Variants in ELP3 observed in about 807,000 individuals in gnomAD.
ELP3 encodes elongator complex protein 3.
A neutral mutation model predicts 74.9 loss-of-function variants in ELP3; 56 were observed. The ratio of observed to expected loss-of-function variants is 0.75; its 90% CI spans 0.60 to 0.93. The LOEUF is 0.93. Among genes scored for constraint, ELP3 ranks in the 40% least tolerant of loss-of-function variants. The pLI, the probability that ELP3 is intolerant of heterozygous loss-of-function variation, is 0.00. For missense variants in ELP3, 573 were observed against 686.5 expected, an observed-to-expected ratio of 0.83 and a Z score of 1.85; for synonymous variants, 222 against 239.8, an observed-to-expected ratio of 0.93 and a Z score of 0.68.
intron 14 of ELP3, among the ~76,000 whole-genome samples, chr8:28,186,996 A>G (rs988134124): frequency 6.6e-6 from 1 of 152,180 alleles, no homozygotes; most frequent in Non-Finnish European, 1.5e-5. Flanking sequence ...TCTAGCAGCC[A>G]TTCCACATGC....
chr8:28,135,918 G>A lies in ELP3; in HGVS notation c.907-1780G>A, dbSNP rs116078603. Reference sequence around the variant, plus strand: ...TCTTGCCTCCTTTCTTGTTCTCTTTGTTCTTCTGGGTTTATACTTTTTAAA... The same window carrying A: ...TCTTGCCTCCTTTCTTGTTCTCTTTATTCTTCTGGGTTTATACTTTTTAAA... On this transcript the variant is annotated intron_variant, in intron 9 of 14. Coordinates refer to ENST00000256398, the MANE Select transcript of ELP3 (RefSeq NM_018091.6). Among the ~76,000 whole-genome samples, 904 of 147,490 alleles carry A rather than the reference G, an allele frequency of 6.1e-3. 12 individuals carry two copies. The highest frequency in any genetic ancestry group is 0.021 in the African/African-American group (842 of 40,184).
At chr8:28,117,723 G>A (rs1429690333) in intron 7 of ELP3, among the ~76,000 whole-genome samples, 1 of 151,690 alleles carries the variant, frequency 6.6e-6, no homozygotes. Context: ...ATTTTTATGA[G>A]ATCATCTGGA....
chr8:28,158,919 TATG>T (rs1156404649), intron 12 of ELP3, among the ~76,000 whole-genome samples: 8 of 152,216 alleles, frequency 5.3e-5, no homozygotes, highest in African/African-American at 1.9e-4. Context: ...CAATATCCAA[TATG>T]GTGGTGACTG....
At chr8:28,093,345 C>A in intron 1 of ELP3, 112 bp downstream of exon 1, 1 of 1,452,380 alleles carries the variant, frequency 6.9e-7, no homozygotes, top group Non-Finnish European at 9.4e-7. Context: ...CCAGTCCAGT[C>A]GCCCCGCCAC....
chr8:28,129,838 C>A (rs891537596), intron 8 of ELP3, among the ~76,000 whole-genome samples, 175 bp downstream of exon 8: 1 of 152,322 alleles, frequency 6.6e-6, no homozygotes, highest in African/African-American at 2.4e-5. Context: ...CTCTTTCCCT[C>A]ATTTTCAGTC....
At chr8:28,097,470 T>TC (rs1279900454) in intron 2 of ELP3, 152 bp downstream of exon 2, 1 of 566,868 alleles carries the variant, frequency 1.8e-6, no homozygotes, top group East Asian at 3.1e-5. Context: ...CTTTTTTTTT[T>TC]TTTGCAAGTT....
upstream of ELP3, chr8:28,090,346 C>T: frequency 5.2e-6 from 2 of 382,712 alleles, no homozygotes; most frequent in East Asian, 8.1e-5. Context: ...AGTGTAGTGC[C>T]CAACTCTGGA....
intron 3 of ELP3, among the ~76,000 whole-genome samples, chr8:28,104,013 G>A: frequency 6.6e-6 from 1 of 152,208 alleles, no homozygotes; most frequent in Non-Finnish European, 1.5e-5. Flanking sequence ...ATAGGCGTGA[G>A]CTATGGTGCC....
chr8:28,138,756 C>T (rs1401236425), intron 10 of ELP3, among the ~76,000 whole-genome samples: 2 of 152,250 alleles, frequency 1.3e-5, no homozygotes, highest in African/African-American at 2.4e-5. Flanking sequence ...TATAAAGTAA[C>T]TGACTTGCTT....
At position 28,126,027 on chromosome 8, in the gene ELP3, A is replaced by AT. The variant is rs200531648; in HGVS notation, c.618-3475_618-3474insT. Among the ~76,000 whole-genome samples the AT allele has an allele frequency of 4.1e-4, 62 of 151,816 alleles. 2 individuals carry two copies. In the East Asian group the frequency reaches 0.01, roughly 25 times the overall value. The stretch of plus-strand genomic sequence containing the variant: ...CAAATTTGTAATTTTTTTTTAATCA[A>AT]CGGAGAATTTTTAGTGTTGAAGCCT... On this transcript the variant is annotated intron_variant, in intron 7 of 14. Transcript: ENST00000256398.
At chr8:28,173,057 C>T (rs1267432165) in intron 14 of ELP3, among the ~76,000 whole-genome samples, 3 of 151,860 alleles carry the variant, frequency 2.0e-5, no homozygotes, top group Non-Finnish European at 4.4e-5. Context: ...AGGAGTTTGG[C>T]GTCTGTATTC....
At chr8:28,180,539 C>A (rs10104690) in intron 14 of ELP3, among the ~76,000 whole-genome samples, 137,265 of 152,290 alleles carry the variant, frequency 0.9, 62,432 homozygotes, top group Non-Finnish European at 0.97. Flanking sequence ...GTCTGTGTCA[C>A]GTGATGTCAC....
chr8:28,092,094 C>A (rs1007734333), upstream of ELP3, among the ~76,000 whole-genome samples: 6 of 152,146 alleles, frequency 3.9e-5, no homozygotes, highest in African/African-American at 1.4e-4. Context: ...AAGACTCTGC[C>A]ACTCACAAGG....
Position 28,168,928 on chromosome 8 carries a change from A to G in ELP3, c.1567+6850A>G, listed in dbSNP as rs77977004. ...ATTGGTGCTGCCTTCCTTAGCAGCA[A>G]CCAAGATACTAGTTTTGTGGAGCCT... is the stretch of plus-strand genomic sequence containing the variant. On this transcript the variant is annotated intron_variant, in intron 14 of 14. Transcript: ENST00000256398. 1.3e-3 allele frequency among the ~76,000 whole-genome samples: 200 copies of G among 152,366 alleles called. 3 individuals are homozygous for G. The East Asian group carries it at 0.028, about 21-fold the overall frequency.
At chr8:28,108,199 T>C (rs1811772670) in intron 5 of ELP3, among the ~76,000 whole-genome samples, 1 of 152,240 alleles carries the variant, frequency 6.6e-6, no homozygotes. Context: ...TACTTACTTC[T>C]TATCCCAAAT....
chr8:28,129,825 C>T (rs1008379466), intron 8 of ELP3, among the ~76,000 whole-genome samples, 162 bp downstream of exon 8: 2 of 152,120 alleles, frequency 1.3e-5, no homozygotes, highest in Admixed American at 6.5e-5. Context: ...TTAATTCCAT[C>T]CCCTCTTTCC....
intron 14 of ELP3, among the ~76,000 whole-genome samples, chr8:28,180,564 C>T (rs1814966264): frequency 6.6e-6 from 1 of 152,196 alleles, no homozygotes; most frequent in South Asian, 2.1e-4. Flanking sequence ...GGAGTCTCTG[C>T]TGTTTCTTGT....
chr8:28,121,502 T>C (rs1313849745), intron 7 of ELP3, among the ~76,000 whole-genome samples: 1 of 151,700 alleles, frequency 6.6e-6, no homozygotes, highest in Admixed American at 6.6e-5. Flanking sequence ...GTATTTTTAG[T>C]AGAGATGGGG....
At chr8:28,094,725 G>A (rs1017565922) in intron 1 of ELP3, among the ~76,000 whole-genome samples, 6 of 151,822 alleles carry the variant, frequency 4.0e-5, no homozygotes, top group South Asian at 2.1e-4. Flanking sequence ...CTGGGTGACC[G>A]AGCAAGACTC....
Sources: allele counts gnomAD v4.1 joint callset (sites outside exome capture counted in the v4.1 genomes callset), GRCh38; gene constraint gnomAD v4.1.1; transcripts MANE v1.5; gene names NCBI Gene and HGNC (gene_info 2026-07-23, HGNC 2026-07-21).